AGPAT4: variants seen among roughly 807,000 people sequenced by gnomAD.
AGPAT4 encodes 1-acyl-sn-glycerol-3-phosphate acyltransferase delta.
In AGPAT4, 15 loss-of-function variants were observed where a neutral mutation model predicts 48.0. The ratio of observed to expected loss-of-function variants is 0.31; its 90% CI spans 0.21 to 0.48. The LOEUF is 0.48. Ranked by LOEUF, AGPAT4 falls within the 20% of genes least tolerant of loss-of-function variation. The probability of loss-of-function intolerance (pLI) is 0.99; values close to 1 mark genes in which losing one functional copy is unlikely to be tolerated. For synonymous variants in AGPAT4, 178 were observed against 198.7 expected, an observed-to-expected ratio of 0.90 and a Z score of 0.88; for missense variants, 314 against 482.5, an observed-to-expected ratio of 0.65 and a Z score of 3.27.
At position 161,226,475 on chromosome 6, in the gene AGPAT4, G is replaced by T. The variant is rs1781985153; in HGVS notation, c.178+5561C>A. Among the ~76,000 whole-genome samples the T allele has an allele frequency of 6.6e-6, 1 of 152,172 alleles. No homozygotes were observed. Among genetic ancestry groups the T allele is most frequent in the Non-Finnish European group, 1.5e-5 (1 of 68,024 alleles). On this transcript the variant is annotated intron_variant, in intron 2 of 8. Transcript: ENST00000320285. The surrounding 1 kb of genome is among the most constrained non-coding windows in gnomAD (Gnocchi z 6.3). ...AGCCACAGCGACACTCTCTTTGGGG[G>T]ATCAACAGCTTTCTTATCGAGAACA...
chr6:161,258,532 T>C (rs1783004864), intron 1 of AGPAT4, among the ~76,000 whole-genome samples: 1 of 152,150 alleles, frequency 6.6e-6, no homozygotes, highest in Admixed American at 6.5e-5. Context: ...ACAACTAAAA[T>C]TGACACAAGA....
At position 161,242,751 on chromosome 6, in the gene AGPAT4, C is replaced by T. The variant is rs1244787955; in HGVS notation, c.-89-10449G>A. Among the ~76,000 whole-genome samples the T allele has an allele frequency of 6.6e-6, 1 of 152,152 alleles. No homozygotes were observed. Among genetic ancestry groups the T allele is most frequent in the Non-Finnish European group, 1.5e-5 (1 of 68,022 alleles). ...AAATTAATCTTCCAAACAGGGGAAA[C>T]GTCCACAACATTATATTCTGGTTAA... On this transcript the variant is annotated intron_variant, in intron 1 of 8. Coordinates refer to ENST00000320285, the MANE Select transcript of AGPAT4 (RefSeq NM_020133.3). This position sits in a 1 kb window ranked among gnomAD's most constrained non-coding sequence, Gnocchi z 5.0.
intron 2 of AGPAT4, among the ~76,000 whole-genome samples, chr6:161,211,631 A>T (rs945189519): frequency 2.0e-5 from 3 of 152,200 alleles, no homozygotes; most frequent in African/African-American, 7.2e-5. Flanking sequence ...GAGATTTTTA[A>T]AAAAAACGTT....
Position 161,197,397 on chromosome 6 carries a change from A to C in AGPAT4, c.179-30980T>G, listed in dbSNP as rs1781099699. On this transcript the variant is annotated intron_variant, in intron 2 of 8. Coordinates refer to ENST00000320285, the MANE Select transcript of AGPAT4 (RefSeq NM_020133.3). This position sits in a 1 kb window ranked among gnomAD's most constrained non-coding sequence, Gnocchi z 5.7. Reference sequence around the variant, plus strand: ...TGTTTATTTCTTAACATGTTATTCCATGTGGTCATGGTAAATATTTTCAAC... The same window carrying C: ...TGTTTATTTCTTAACATGTTATTCCCTGTGGTCATGGTAAATATTTTCAAC... 6.6e-6 allele frequency among the ~76,000 whole-genome samples: 1 copy of C among 152,108 alleles called. No individual in the cohort carries two copies. Among genetic ancestry groups the C allele is most frequent in the African/African-American group, 2.4e-5 (1 of 41,408 alleles).
At chr6:161,228,111 T>C (rs1467460185) in intron 2 of AGPAT4, among the ~76,000 whole-genome samples, 1 of 152,190 alleles carries the variant, frequency 6.6e-6, no homozygotes, top group Non-Finnish European at 1.5e-5. Context: ...AATTCCAATT[T>C]CAATCCTAAA....
At position 161,212,875 on chromosome 6, in the gene AGPAT4, C is replaced by G. The variant is rs1781555135; in HGVS notation, c.178+19161G>C. ...AACAATACAGTTATTTGCATAAGTG[C>G]AGTAAGAATCAATTTTCACTGTAAC... On this transcript the variant is annotated intron_variant, in intron 2 of 8. Coordinates refer to ENST00000320285, the MANE Select transcript of AGPAT4 (RefSeq NM_020133.3). This position sits in a 1 kb window ranked among gnomAD's most constrained non-coding sequence, Gnocchi z 6.1. 6.6e-6 allele frequency among the ~76,000 whole-genome samples: 1 copy of G among 152,148 alleles called. No individual in the cohort carries two copies. The highest frequency in any genetic ancestry group is 1.5e-5 in the Non-Finnish European group (1 of 68,024).
Position 161,264,220 on chromosome 6 carries a change from C to T in AGPAT4, c.-90+9718G>A, listed in dbSNP as rs80307056. 1.6e-4 allele frequency among the ~76,000 whole-genome samples: 25 copies of T among 152,302 alleles called. No individual in the cohort carries two copies. In the East Asian group the frequency reaches 4.6e-3, roughly 28 times the overall value. Reference sequence around the variant, plus strand: ...ATTTACTATCTCAGGGCGTCAAAGACACCCTCCATACAACAAGTTACCAAA... The same window carrying T: ...ATTTACTATCTCAGGGCGTCAAAGATACCCTCCATACAACAAGTTACCAAA... On this transcript the variant is annotated intron_variant, in intron 1 of 8. Transcript: ENST00000320285. The surrounding 1 kb of genome is among the most constrained non-coding windows in gnomAD (Gnocchi z 6.8).
In AGPAT4 at chr6:161,222,171, C is replaced by T. The variant is rs1197265560; in HGVS notation, c.178+9865G>A. Among the ~76,000 whole-genome samples the T allele has an allele frequency of 6.6e-6, 1 of 152,166 alleles. No homozygotes were observed. The highest frequency in any genetic ancestry group is 1.5e-5 in the Non-Finnish European group (1 of 68,036). ...CCCAGCCTGGAAGATGCAGTCAATC[C>T]ATCCATCAATCAATAAAAGGTGCTG... On this transcript the variant is annotated intron_variant, in intron 2 of 8. Transcript: ENST00000320285. This position sits in a 1 kb window ranked among gnomAD's most constrained non-coding sequence, Gnocchi z 5.9.
rs1405026880 is a variant in AGPAT4 at position 161,222,659 on chromosome 6, TG to T, written c.178+9376del. ...TTCAGGTCAAGACAAAAATAAATCT[TG>T]AAGTAAACCGATGGTCACAATTATT... is the stretch of plus-strand genomic sequence containing the variant. On this transcript the variant is annotated intron_variant, in intron 2 of 8. Coordinates refer to ENST00000320285, the MANE Select transcript of AGPAT4 (RefSeq NM_020133.3). This position sits in a 1 kb window ranked among gnomAD's most constrained non-coding sequence, Gnocchi z 5.9. Among the ~76,000 whole-genome samples the T allele has an allele frequency of 6.6e-6, 1 of 152,140 alleles. No homozygotes were observed. The highest frequency in any genetic ancestry group is 2.4e-5 in the African/African-American group (1 of 41,418).
Position 161,220,764 on chromosome 6 carries a change from C to T in AGPAT4, c.178+11272G>A, listed in dbSNP as rs185170535. Among the ~76,000 whole-genome samples, 21 of 152,132 alleles carry T rather than the reference C, an allele frequency of 1.4e-4. No individual in the cohort carries two copies. Among genetic ancestry groups the T allele is most frequent in the Admixed American group, 3.3e-4 (5 of 15,284 alleles). ...GTTGTGCAAAGCCATTCTGAAGACT[C>T]GGACAGCGTAGATATATTTTATTTT... On this transcript the variant is annotated intron_variant, in intron 2 of 8. Coordinates refer to ENST00000320285, the MANE Select transcript of AGPAT4 (RefSeq NM_020133.3). This position sits in a 1 kb window ranked among gnomAD's most constrained non-coding sequence, Gnocchi z 6.0.
At position 161,189,654 on chromosome 6, in the gene AGPAT4, G is replaced by A. The variant is rs947068660; in HGVS notation, c.179-23237C>T. On this transcript the variant is annotated intron_variant, in intron 2 of 8. Transcript: ENST00000320285. This position sits in a 1 kb window ranked among gnomAD's most constrained non-coding sequence, Gnocchi z 5.3. ...TGCACACGGCAGATCCAGGCCAGCTGCACATCCGTGGGCTCCTCCATCAGT... is the reference window on the plus strand; with the variant it reads ...TGCACACGGCAGATCCAGGCCAGCTACACATCCGTGGGCTCCTCCATCAGT... Among the ~76,000 whole-genome samples, 2 of 152,046 alleles carry A rather than the reference G, an allele frequency of 1.3e-5. No homozygotes were observed. Among genetic ancestry groups the A allele is most frequent in the Non-Finnish European group, 2.9e-5 (2 of 68,012 alleles).
intron 2 of AGPAT4, among the ~76,000 whole-genome samples, chr6:161,186,556 A>G (rs1583312921): frequency 6.6e-6 from 1 of 151,790 alleles, no homozygotes; most frequent in Admixed American, 6.6e-5. Flanking sequence ...CCTCTTGATG[A>G]CCTTCTACCC....
In AGPAT4 at chr6:161,254,167, A is replaced by T. The variant is rs1017626676; in HGVS notation, c.-90+19771T>A. Among the ~76,000 whole-genome samples, 4 of 152,172 alleles carry T rather than the reference A, an allele frequency of 2.6e-5. No individual in the cohort carries two copies. Among genetic ancestry groups the T allele is most frequent in the Admixed American group, 6.5e-5 (1 of 15,290 alleles). On this transcript the variant is annotated intron_variant, in intron 1 of 8. Coordinates refer to ENST00000320285, the MANE Select transcript of AGPAT4 (RefSeq NM_020133.3). This position sits in a 1 kb window ranked among gnomAD's most constrained non-coding sequence, Gnocchi z 5.9. Reference sequence around the variant, plus strand: ...TTGGTCAATATATTTAACTTTTTTTAAAAAAAGAAAAACTTTTCTACTGCA... The same window carrying T: ...TTGGTCAATATATTTAACTTTTTTTTAAAAAAGAAAAACTTTTCTACTGCA...
At chr6:161,227,476 A>G (rs140130792) in intron 2 of AGPAT4, among the ~76,000 whole-genome samples, 9 of 152,026 alleles carry the variant, frequency 5.9e-5, no homozygotes, top group South Asian at 2.1e-4. Flanking sequence ...GAGGACTCCC[A>G]TTCTCCGTGG....
At chr6:161,172,720 T>C (rs969438954) in intron 2 of AGPAT4, among the ~76,000 whole-genome samples, 5 of 152,352 alleles carry the variant, frequency 3.3e-5, no homozygotes, top group Admixed American at 2.0e-4. Context: ...TGTATACATG[T>C]GCCATGTTGG....
Position 161,218,125 on chromosome 6 carries a change from A to G in AGPAT4, c.178+13911T>C, listed in dbSNP as rs966642531. Among the ~76,000 whole-genome samples the G allele has an allele frequency of 1.3e-5, 2 of 152,218 alleles. No homozygotes were observed. Among genetic ancestry groups the G allele is most frequent in the African/African-American group, 2.4e-5 (1 of 41,458 alleles). Reference sequence around the variant, plus strand: ...AAGAGAACCACATGCCCTGGGGTGGACATACAACCTGCACAAGATGACTGT... The same window carrying G: ...AAGAGAACCACATGCCCTGGGGTGGGCATACAACCTGCACAAGATGACTGT... On this transcript the variant is annotated intron_variant, in intron 2 of 8. Coordinates refer to ENST00000320285, the MANE Select transcript of AGPAT4 (RefSeq NM_020133.3). The surrounding 1 kb of genome is among the most constrained non-coding windows in gnomAD (Gnocchi z 4.7).
chr6:161,219,210 A>C lies in AGPAT4; in HGVS notation c.178+12826T>G, dbSNP rs1303073610. ...CTCCAGTATGGTGAAACCAAAACCC[A>C]TAGCTAAGGCAGTGGTCTTTCAATG... is the stretch of plus-strand genomic sequence containing the variant. On this transcript the variant is annotated intron_variant, in intron 2 of 8. Transcript: ENST00000320285. The surrounding 1 kb of genome is among the most constrained non-coding windows in gnomAD (Gnocchi z 4.9). 6.6e-6 allele frequency among the ~76,000 whole-genome samples: 1 copy of C among 152,176 alleles called. No individual in the cohort carries two copies. Among genetic ancestry groups the C allele is most frequent in the Admixed American group, 6.5e-5 (1 of 15,274 alleles).
At chr6:161,136,743 C>A (rs3734463) in intron 8 of AGPAT4, 109 bp from the exon 9 acceptor site, 7 of 902,044 alleles carry the variant, frequency 7.8e-6, no homozygotes, top group African/African-American at 1.6e-5. Flanking sequence ...AGCGCCAGCT[C>A]AGAGCTGGCT....
intron 2 of AGPAT4, among the ~76,000 whole-genome samples, chr6:161,199,777 CCCTA>C (rs1333012117): frequency 1.4e-4 from 22 of 152,184 alleles, no homozygotes; most frequent in African/African-American, 5.1e-4. Flanking sequence ...TGTCTGCTTC[CCCTA>C]CGTCTTCCGC....
Sources: allele counts gnomAD v4.1 joint callset (sites outside exome capture counted in the v4.1 genomes callset), GRCh38; gene constraint gnomAD v4.1.1; non-coding constraint Gnocchi (gnomAD v3.1); transcripts MANE v1.5; gene names NCBI Gene and HGNC (gene_info 2026-07-23, HGNC 2026-07-21).